The following NCEH1 variants were observed in gnomAD, a reference collection of about 807,000 sequenced individuals.
NCEH1 encodes the protein 2-acetyl MAGE hydrolase.
NCEH1 carries 9 observed loss-of-function variants against 25.4 expected under a neutral mutation model. The ratio of observed to expected loss-of-function variants is 0.35; its 90% confidence interval spans 0.21 to 0.62. The LOEUF (loss-of-function observed/expected upper bound fraction) is 0.62. NCEH1 is among the 20% of genes least tolerant of loss of function. The pLI is 0.72. For missense variants in NCEH1, 412 were observed against 501.1 expected, an observed-to-expected ratio of 0.82 and a Z score of 1.70; for synonymous variants, 200 against 199.8, an observed-to-expected ratio of 1.00 and a Z score of -0.01.
chr3:172,633,236 A>T lies in NCEH1; in HGVS notation c.*239T>A. On this transcript the variant is annotated 3_prime_UTR_variant, in exon 5 of 5. Transcript: ENST00000475381. ...GGTATCAGTATAGTTGGCTAAGATA[A>T]CAAGAACAGAGAGATTGGCCCACTC... 2 of 506,080 alleles carry T rather than the reference A, an allele frequency of 4.0e-6. No individual in the cohort carries two copies. Among genetic ancestry groups the T allele is most frequent in the East Asian group, 7.1e-5 (2 of 28,188 alleles). 31.3% of individuals were successfully genotyped at this position (506,080 alleles called of 1,614,324 possible).
chr3:172,665,697 C>A (rs190716355), intron 1 of NCEH1, among the ~76,000 whole-genome samples: 1 of 152,364 alleles, frequency 6.6e-6, no homozygotes, highest in African/African-American at 2.4e-5. Flanking sequence ...ATGGTGGACA[C>A]CCCTCCCCCA....
intron 1 of NCEH1, among the ~76,000 whole-genome samples, chr3:172,686,516 T>C (rs1013330258): frequency 2.6e-5 from 4 of 152,214 alleles, no homozygotes; most frequent in Non-Finnish European, 5.9e-5. Flanking sequence ...GTATAGGACA[T>C]AGGACTGTAC....
At position 172,693,736 on chromosome 3, in the gene NCEH1, T is replaced by C. The variant is rs553167667; in HGVS notation, c.138+17111A>G. On this transcript the variant is annotated intron_variant, in intron 1 of 4. Transcript: ENST00000475381. Reference sequence around the variant, plus strand: ...CATTTAATTGAACAATTCAGAATTGTGCAATTTTAATTAGCTATGTGAGGA... The same window carrying C: ...CATTTAATTGAACAATTCAGAATTGCGCAATTTTAATTAGCTATGTGAGGA... Among the ~76,000 whole-genome samples, 3 of 152,304 alleles carry C rather than the reference T, an allele frequency of 2.0e-5. No homozygotes were observed. The South Asian group carries it at 6.2e-4, about 32-fold the overall frequency.
chr3:172,646,089 A>C (rs1028508144), intron 2 of NCEH1, among the ~76,000 whole-genome samples: 9 of 152,232 alleles, frequency 5.9e-5, no homozygotes, highest in Non-Finnish European at 8.8e-5. Flanking sequence ...GTGGTGGCTC[A>C]TGCCTGTAAT....
At chr3:172,668,346 GC>G (rs1290167719) in intron 1 of NCEH1, among the ~76,000 whole-genome samples, 1 of 105,470 alleles carries the variant, frequency 9.5e-6, no homozygotes, top group East Asian at 2.9e-4. Context: ...GGAAAAGGAA[GC>G]ATTTTTTTTT....
chr3:172,642,518 G>A (rs1438144852), intron 3 of NCEH1, among the ~76,000 whole-genome samples: 1 of 149,360 alleles, frequency 6.7e-6, no homozygotes, highest in Non-Finnish European at 1.5e-5. Flanking sequence ...ATATAATGTT[G>A]GCTGTACCTC....
At chr3:172,694,381 T>G (rs1576777089) in intron 1 of NCEH1, among the ~76,000 whole-genome samples, 1 of 148,152 alleles carries the variant, frequency 6.7e-6, no homozygotes, top group East Asian at 1.9e-4. Context: ...TATATATATG[T>G]GTGTGTGTGT....
In NCEH1 at chr3:172,676,114, G is replaced by T. The variant is rs1394786788; in HGVS notation, c.139-28000C>A. ...AATCATCGTCCAACACCCCCTAACA[G>T]CAGTTAGGTTTGCTTCTCTTGAGGG... On this transcript the variant is annotated intron_variant, in intron 1 of 4. Transcript: ENST00000475381. Among the ~76,000 whole-genome samples the T allele has an allele frequency of 3.9e-5, 6 of 152,218 alleles. No individual in the cohort carries two copies. The East Asian group carries it at 1.2e-3, about 29-fold the overall frequency.
In NCEH1 at chr3:172,686,555, T is replaced by C. The variant is rs1336566640; in HGVS notation, c.138+24292A>G. On this transcript the variant is annotated intron_variant, in intron 1 of 4. Coordinates refer to ENST00000475381, the MANE Select transcript of NCEH1 (RefSeq NM_020792.6). ...TTTTGCTTGCATAAGTTCTATGTGA[T>C]GCTCGATACTGGGATGTGGACATGC... is the stretch of plus-strand genomic sequence containing the variant. Among the ~76,000 whole-genome samples the C allele has an allele frequency of 2.0e-5, 3 of 152,230 alleles. No homozygotes were observed. In the East Asian group the frequency reaches 5.8e-4, roughly 29 times the overall value.
At chr3:172,669,103 A>G (rs1718363484) in intron 1 of NCEH1, among the ~76,000 whole-genome samples, 1 of 152,212 alleles carries the variant, frequency 6.6e-6, no homozygotes, top group Non-Finnish European at 1.5e-5. Flanking sequence ...CCATGAGGAA[A>G]AGACAGAGGC....
chr3:172,655,791 G>A (rs576952453), intron 1 of NCEH1, among the ~76,000 whole-genome samples: 1 of 152,226 alleles, frequency 6.6e-6, no homozygotes, highest in Admixed American at 6.5e-5. Flanking sequence ...CACCAGAGAG[G>A]GAAAGTTAAT....
intron 3 of NCEH1, among the ~76,000 whole-genome samples, chr3:172,641,551 C>T (rs1488453800): frequency 1.3e-5 from 2 of 152,202 alleles, no homozygotes; most frequent in African/African-American, 4.8e-5. Flanking sequence ...AAAGCCATGA[C>T]GCCACTACCC....
chr3:172,687,281 T>C (rs1294803807), intron 1 of NCEH1, among the ~76,000 whole-genome samples: 1 of 152,164 alleles, frequency 6.6e-6, no homozygotes, highest in African/African-American at 2.4e-5. Flanking sequence ...TGTAATACCA[T>C]CCTGGCTCAG....
intron 1 of NCEH1, among the ~76,000 whole-genome samples, chr3:172,689,655 G>A (rs1387605867): frequency 9.7e-6 from 1 of 103,530 alleles, no homozygotes; most frequent in Non-Finnish European, 2.0e-5. Flanking sequence ...AGATTGCAAT[G>A]AGCTGAGATT....
intron 1 of NCEH1, among the ~76,000 whole-genome samples, chr3:172,698,939 C>T (rs571009980): frequency 2.6e-5 from 4 of 152,216 alleles, no homozygotes; most frequent in Non-Finnish European, 2.9e-5. Context: ...GTCTCTCTAT[C>T]GTGAATGGTC....
chr3:172,644,418 G>C (rs150728304), intron 3 of NCEH1, among the ~76,000 whole-genome samples: 1 of 152,184 alleles, frequency 6.6e-6, no homozygotes, highest in African/African-American at 2.4e-5. Flanking sequence ...GAGGCAGAGG[G>C]AAGAAGAGAA....
chr3:172,674,443 CAAAAA>C (rs146923940), intron 1 of NCEH1, among the ~76,000 whole-genome samples: 1 of 71,048 alleles, frequency 1.4e-5, no homozygotes, highest in Non-Finnish European at 3.0e-5. Context: ...ACTCTGTCTC[CAAAAA>C]AAAAAAAAAA....
chr3:172,673,677 T>C (rs1421287798), intron 1 of NCEH1, among the ~76,000 whole-genome samples: 1 of 152,172 alleles, frequency 6.6e-6, no homozygotes, highest in Non-Finnish European at 1.5e-5. Context: ...ACAGATAAGG[T>C]AGCAGAAGGA....
chr3:172,683,806 T>C (rs560547253), intron 1 of NCEH1, among the ~76,000 whole-genome samples: 2 of 152,350 alleles, frequency 1.3e-5, no homozygotes, highest in South Asian at 4.1e-4. Context: ...AGAATACATC[T>C]AATGTAAAGA....
Sources: allele counts gnomAD v4.1 joint callset (sites outside exome capture counted in the v4.1 genomes callset), GRCh38; gene constraint gnomAD v4.1.1; transcripts MANE v1.5; gene names NCBI Gene and HGNC (gene_info 2026-07-23, HGNC 2026-07-21).